The following SIL1 variants were observed in gnomAD, a reference collection of about 807,000 sequenced individuals.
SIL1 encodes the protein SIL1 nucleotide exchange factor.
SIL1 carries 40 observed loss-of-function variants against 49.1 expected under a neutral mutation model. The observed-to-expected ratio is 0.81, with a 90% CI of 0.63 to 1.06. The LOEUF (loss-of-function observed/expected upper bound fraction) is 1.06. Among genes scored for constraint, SIL1 ranks in the 50% least tolerant of loss-of-function variants. The probability of loss-of-function intolerance (pLI) is 0.00; values close to 1 mark genes in which losing one functional copy is unlikely to be tolerated. For missense variants in SIL1, 500 were observed against 572.6 expected, an observed-to-expected ratio of 0.87 and a Z score of 1.29; for synonymous variants, 253 against 250.8, an observed-to-expected ratio of 1.01 and a Z score of -0.08.
intron 1 of SIL1, among the ~76,000 whole-genome samples, chr5:139,162,229 C>T (rs1283056725): frequency 6.6e-6 from 1 of 152,216 alleles, no homozygotes. Context: ...CACCCACTCA[C>T]ATTCTGTGAA....
rs61046256 is a variant in SIL1 at position 139,139,356 on chromosome 5, GTC to G, written c.-10-11505_-10-11504del. 6.9e-3 allele frequency among the ~76,000 whole-genome samples: 1,051 copies of G among 152,268 alleles called. 8 individuals carry two copies. Among genetic ancestry groups the G allele is most frequent in the African/African-American group, 0.024 (1,007 of 41,532 alleles). On this transcript the variant is annotated intron_variant, in intron 1 of 9. Transcript: ENST00000394817. ...GAATTCATCTTTCCTTTCCCCTGAT[GTC>G]TCTAAGCTTCCAGAAAACATCAGGG...
At chr5:138,979,207 G>A (rs1581001666) in intron 7 of SIL1, among the ~76,000 whole-genome samples, 1 of 151,780 alleles carries the variant, frequency 6.6e-6, no homozygotes, top group Middle Eastern at 3.4e-3. Flanking sequence ...TGGGATAACA[G>A]GAGTGCACCA....
intron 4 of SIL1, among the ~76,000 whole-genome samples, chr5:139,043,834 G>C (rs1295717153): frequency 6.6e-5 from 10 of 152,222 alleles, no homozygotes; most frequent in Non-Finnish European, 1.5e-5. Context: ...GAAGGGAAGA[G>C]TGGAGTATGG....
chr5:139,114,196 C>T (rs963767890), intron 3 of SIL1, among the ~76,000 whole-genome samples: 6 of 152,202 alleles, frequency 3.9e-5, no homozygotes, highest in Non-Finnish European at 7.3e-5. Context: ...AAAGTGGCCT[C>T]AGTCTTGGCA....
chr5:138,957,893 C>T (rs1446646053), intron 7 of SIL1, among the ~76,000 whole-genome samples: 4 of 151,852 alleles, frequency 2.6e-5, no homozygotes, highest in East Asian at 1.9e-4. Context: ...GTCCTTACCC[C>T]CCACTCTTTC....
At chr5:139,144,123 G>C (rs1751146730) in intron 1 of SIL1, among the ~76,000 whole-genome samples, 1 of 152,160 alleles carries the variant, frequency 6.6e-6, no homozygotes, top group Non-Finnish European at 1.5e-5. Flanking sequence ...AATTCACATG[G>C]AGTTTCAAGG....
intron 7 of SIL1, among the ~76,000 whole-genome samples, chr5:138,988,721 A>C (rs1230170987): frequency 6.6e-6 from 1 of 152,042 alleles, no homozygotes; most frequent in African/African-American, 2.4e-5. Context: ...AAAAATTTTT[A>C]AATTGGCCAG....
chr5:139,070,023 G>A lies in SIL1; in HGVS notation c.245-18977C>T, dbSNP rs537694214. Reference sequence around the variant, plus strand: ...CCAGACAATGAAAATAAGTAAGACCGGCGGTAAACATTACATATATAGTTA... The same window carrying A: ...CCAGACAATGAAAATAAGTAAGACCAGCGGTAAACATTACATATATAGTTA... On this transcript the variant is annotated intron_variant, in intron 3 of 9. Coordinates refer to ENST00000394817, the MANE Select transcript of SIL1 (RefSeq NM_022464.5). Among the ~76,000 whole-genome samples the A allele has an allele frequency of 1.7e-3, 263 of 152,166 alleles. 1 individual carries two copies. Among genetic ancestry groups the A allele is most frequent in the Non-Finnish European group, 2.6e-3 (180 of 67,986 alleles).
At chr5:138,950,582 C>G (rs1409668539) in intron 9 of SIL1, among the ~76,000 whole-genome samples, 1 of 152,218 alleles carries the variant, frequency 6.6e-6, no homozygotes, top group Non-Finnish European at 1.5e-5. Flanking sequence ...CCTGCCAATG[C>G]TCTCTGCAGT....
intron 3 of SIL1, among the ~76,000 whole-genome samples, chr5:139,090,408 C>A (rs886344292): frequency 6.6e-6 from 1 of 152,140 alleles, no homozygotes; most frequent in Non-Finnish European, 1.5e-5. Context: ...GATACACATA[C>A]ACACAAACAG....
At chr5:139,065,069 T>G (rs1245346815) in intron 3 of SIL1, among the ~76,000 whole-genome samples, 1 of 152,204 alleles carries the variant, frequency 6.6e-6, no homozygotes, top group African/African-American at 2.4e-5. Context: ...CAATACATAC[T>G]TGATTGAGTT....
chr5:139,064,655 T>G (rs186991446), intron 3 of SIL1, among the ~76,000 whole-genome samples: 394 of 152,364 alleles, frequency 2.6e-3, no homozygotes, highest in Non-Finnish European at 3.9e-3. Context: ...GTGTTGTGCT[T>G]TGCTTTCTTC....
chr5:139,169,746 G>A (rs1751698588), intron 1 of SIL1, among the ~76,000 whole-genome samples: 1 of 151,848 alleles, frequency 6.6e-6, no homozygotes, highest in Non-Finnish European at 1.5e-5. Flanking sequence ...CTCCCAAAGT[G>A]CTGGGATTAC....
chr5:139,019,196 G>A (rs1263304221), intron 7 of SIL1, among the ~76,000 whole-genome samples: 1 of 152,234 alleles, frequency 6.6e-6, no homozygotes, highest in African/African-American at 2.4e-5. Context: ...TGTGGCAGGT[G>A]TATACACACC....
intron 1 of SIL1, chr5:139,155,281 C>T (rs929262151): frequency 6.6e-5 from 10 of 152,124 alleles, no homozygotes; most frequent in African/African-American, 2.2e-4. Context: ...TAACAAAATA[C>T]CACAGACTGA....
intron 1 of SIL1, among the ~76,000 whole-genome samples, chr5:139,136,798 T>C (rs1386007768): frequency 1.3e-5 from 2 of 152,112 alleles, no homozygotes; most frequent in Non-Finnish European, 2.9e-5. Flanking sequence ...CACTAAAGTC[T>C]TAATGAGAAA....
chr5:138,956,451 T>C (rs1766903537), intron 7 of SIL1, among the ~76,000 whole-genome samples: 1 of 152,148 alleles, frequency 6.6e-6, no homozygotes, highest in Non-Finnish European at 1.5e-5. Flanking sequence ...TCAGTTAAGA[T>C]ACAAACAATT....
chr5:139,067,720 T>A (rs539232887), intron 3 of SIL1, among the ~76,000 whole-genome samples: 1 of 152,372 alleles, frequency 6.6e-6, no homozygotes, highest in Non-Finnish European at 1.5e-5. Context: ...GGCAAGGCCT[T>A]GCAGCAACCG....
chr5:139,076,536 A>T (rs1769952950), intron 3 of SIL1, among the ~76,000 whole-genome samples: 1 of 152,240 alleles, frequency 6.6e-6, no homozygotes, highest in Non-Finnish European at 1.5e-5. Context: ...ATACTGATAC[A>T]GTCATTTGCG....
Sources: allele counts gnomAD v4.1 joint callset (sites outside exome capture counted in the v4.1 genomes callset), GRCh38; gene constraint gnomAD v4.1.1; transcripts MANE v1.5; gene names NCBI Gene and HGNC (gene_info 2026-07-23, HGNC 2026-07-21).